The following AP3B2 variants were observed in gnomAD, a reference collection of about 807,000 sequenced individuals.
AP3B2 encodes AP-3 complex subunit beta-2.
A neutral mutation model predicts 126.9 loss-of-function variants in AP3B2; 50 were observed. The ratio of observed to expected loss-of-function variants is 0.39; its 90% CI spans 0.31 to 0.50. The LOEUF is 0.50. Ranked by LOEUF, AP3B2 falls within the 20% of genes least tolerant of loss-of-function variation. The pLI is 0.79. For missense variants in AP3B2, 1,177 were observed against 1,426.4 expected, an observed-to-expected ratio of 0.83 and a Z score of 2.82; for synonymous variants, 541 against 565.0, an observed-to-expected ratio of 0.96 and a Z score of 0.60.
chr15:82,690,779 G>A (rs555857825), intron 1 of AP3B2, among the ~76,000 whole-genome samples: 4 of 148,758 alleles, frequency 2.7e-5, no homozygotes, highest in South Asian at 2.2e-4. Flanking sequence ...TCAGCCTACC[G>A]AGTAGCTGGG....
rs763995086 is a variant in AP3B2, at chr15:82,662,689, C to A, written c.2833+5G>T. 2 of 1,609,456 alleles carry A rather than the reference C, an allele frequency of 1.2e-6. No individual in the cohort carries two copies. The highest frequency in any genetic ancestry group is 1.7e-6 in the Non-Finnish European group (2 of 1,177,692). On this transcript the variant is annotated splice_donor_5th_base_variant and intron_variant, in intron 23 of 26. Coordinates refer to ENST00000535359, the MANE Select transcript of AP3B2 (RefSeq NM_001278512.2). ...CTCCTCCACCCCATCCAAAGCCCTT[C>A]GCACCAATTTCGGGAAATTCTTGGA...
chr15:82,698,288 C>T (rs2048661568), intron 1 of AP3B2, among the ~76,000 whole-genome samples: 1 of 151,932 alleles, frequency 6.6e-6, no homozygotes, highest in South Asian at 2.1e-4. Flanking sequence ...AAAAACTCTA[C>T]ACACATAAAC....
intron 25 of AP3B2, among the ~76,000 whole-genome samples, chr15:82,660,900 A>G (rs1353450903): frequency 6.6e-6 from 1 of 152,048 alleles, no homozygotes; most frequent in Non-Finnish European, 1.5e-5. Flanking sequence ...GACTGCATGT[A>G]CTTGAGCCGT....
Position 82,664,075 on chromosome 15 carries a change from G to A in AP3B2, c.2262-100C>T, listed in dbSNP as rs2048007993. 6.8e-7 allele frequency: 1 copy of A among 1,474,826 alleles called. No individual in the cohort carries two copies. Among genetic ancestry groups the A allele is most frequent in the African/African-American group, 1.4e-5 (1 of 71,530 alleles). The allele number at this position is 1,474,826 out of a possible 1,614,324, so 91.4% of individuals were successfully genotyped here. ...CTGAAAAGCTGGAGTGGTGTGGGGA[G>A]CCTGAGCCAGGAGGGTTCACACCTG... On this transcript the variant is annotated intron_variant, in intron 19 of 26. Transcript: ENST00000535359. The surrounding 1 kb of genome is among the most constrained non-coding windows in gnomAD (Gnocchi z 4.5).
Position 82,666,771 on chromosome 15 carries a change from G to T in AP3B2, c.1828C>A (p.Pro610Thr). ...KKLFLAPKPA[P>T]VLESSFKDRD... ...CCTTTGAAGGATGACTCCAAGACTG[G>T]AGCTGGTTTGGGTGCCAGGAAGAGC... The change falls in exon 15 of 27, where the codon CCA becomes ACA. Residue 610 changes from proline to threonine, a missense_variant. By Grantham distance (38) the Pro-to-Thr change is conservative. Coordinates refer to ENST00000535359, the MANE Select transcript of AP3B2 (RefSeq NM_001278512.2). The T allele has an allele frequency of 1.9e-6, 3 of 1,613,962 alleles. No individual in the cohort carries two copies. Among genetic ancestry groups the T allele is most frequent in the Non-Finnish European group, 2.5e-6 (3 of 1,179,848 alleles).
chr15:82,680,473 T>G lies in AP3B2; in HGVS notation c.1054A>C (p.Ser352Arg), dbSNP rs1433929710. The G allele has an allele frequency of 2.7e-6, 4 of 1,497,872 alleles. No individual in the cohort carries two copies. The highest frequency in any genetic ancestry group is 3.6e-6 in the Non-Finnish European group (4 of 1,126,436). The allele number at this position is 1,497,872 out of a possible 1,614,324, so 92.8% of individuals were successfully genotyped here. ...KALVRLLRSH[S>R]EVQYVVLQNV... ...GGCGGGGCTGGGGGCGGAGCGCACC[T>G]GTGGCTGCGCAGCAGGCGCACCAGC... The change falls in exon 8 of 27, where the codon AGT (serine) becomes CGT (arginine). Residue 352 changes from serine (S) to arginine (R), a missense_variant and splice_region_variant. Ser to Arg is a moderately radical substitution (Grantham distance 110). Around this residue, in one of 5 missense-constraint regions of AP3B2, gnomAD observed 308 missense variants for 452.4 expected, o/e 0.68. Transcript: ENST00000535359. The surrounding 1 kb of genome is among the most constrained non-coding windows in gnomAD (Gnocchi z 6.1).
In AP3B2 at chr15:82,709,781, G is replaced by T; in HGVS notation, c.-75C>A. On this transcript the variant is annotated 5_prime_UTR_variant, in exon 1 of 27. Coordinates refer to ENST00000535359, the MANE Select transcript of AP3B2 (RefSeq NM_001278512.2). ...CGGCTGGAGCGGAGGAAGGGAAGGC[G>T]GGCCGGTCCGGTCCGGGCTGGCGAA... is the stretch of plus-strand genomic sequence containing the variant. 1 of 1,233,222 alleles carries T rather than the reference G, an allele frequency of 8.1e-7. No homozygotes were observed. Among genetic ancestry groups the T allele is most frequent in the East Asian group, 3.2e-5 (1 of 31,736 alleles). 76.4% of individuals were successfully genotyped at this position (1,233,222 alleles called of 1,614,324 possible).
chr15:82,705,809 C>T (rs181265551), intron 1 of AP3B2, among the ~76,000 whole-genome samples: 109 of 152,278 alleles, frequency 7.2e-4, no homozygotes, highest in African/African-American at 2.5e-3. Context: ...TAGGTACTTC[C>T]ACCTTTGGAT....
Position 82,676,534 on chromosome 15 carries a change from G to A in AP3B2, c.1592C>T (p.Thr531Ile), listed in dbSNP as rs779983418. The change falls in exon 14 of 27, where the codon ACA (threonine) becomes ATA (isoleucine). Residue 531 changes from threonine (T) to isoleucine (I), a missense_variant. Transcript: ENST00000535359. Reference protein sequence around the residue: ...DVLRKMAKSFTAEEDIVKLQV... With the variant: ...DVLRKMAKSFIAEEDIVKLQV... Reference sequence around the variant, plus strand: ...CAGCTTGACAATATCCTCCTCTGCTGTGAATGACTTGGCCATTTTTCTTAA... The same window carrying A: ...CAGCTTGACAATATCCTCCTCTGCTATGAATGACTTGGCCATTTTTCTTAA... The A allele has an allele frequency of 6.2e-7, 1 of 1,614,014 alleles. No individual in the cohort carries two copies. The highest frequency in any genetic ancestry group is 1.3e-5 in the African/African-American group (1 of 75,046).
chr15:82,680,559 G>T lies in AP3B2; in HGVS notation c.968C>A (p.Ala323Glu), dbSNP rs908604679. The stretch of plus-strand genomic sequence containing the variant: ...CAGGTGGAAGTAGAGCTGCGCCACC[G>T]CCATCACCACCGCGGCGCTGCGGCT... ...LQSRSAAVVMAVAQLYFHLAP... is the reference protein window; with the variant it reads ...LQSRSAAVVMEVAQLYFHLAP... The change falls in exon 8 of 27, where the codon GCG (alanine) becomes GAG (glutamate). Residue 323 changes from alanine (A) to glutamate (E), a missense_variant. Around this residue, in one of 5 missense-constraint regions of AP3B2, gnomAD observed 308 missense variants for 452.4 expected, o/e 0.68. Coordinates refer to ENST00000535359, the MANE Select transcript of AP3B2 (RefSeq NM_001278512.2). The surrounding 1 kb of genome is among the most constrained non-coding windows in gnomAD (Gnocchi z 6.1). 6 of 1,575,630 alleles carry T rather than the reference G, an allele frequency of 3.8e-6. No individual in the cohort carries two copies. The highest frequency in any genetic ancestry group is 5.1e-6 in the Non-Finnish European group (6 of 1,168,212).
At position 82,665,282 on chromosome 15, in the gene AP3B2, CAAT is replaced by C. The variant is rs2048031661; in HGVS notation, c.1990_1992del (p.Ile664del). On this transcript the variant is annotated inframe_deletion, in exon 17 of 27. Coordinates refer to ENST00000535359, the MANE Select transcript of AP3B2 (RefSeq NM_001278512.2). The surrounding 1 kb of genome is among the most constrained non-coding windows in gnomAD (Gnocchi z 4.4). ...TCGCCCAACAGGCCCACGTGAGTCT[CAAT>C]AAGGGAGAGATCTTCTTCCTGTGTG... The C allele has an allele frequency of 6.5e-7, 1 of 1,548,978 alleles. No homozygotes were observed. The highest frequency in any genetic ancestry group is 1.9e-5 in the Admixed American group (1 of 51,696).
chr15:82,670,091 A>AAT (rs1555465696), intron 14 of AP3B2, among the ~76,000 whole-genome samples: 8 of 128,512 alleles, frequency 6.2e-5, no homozygotes, highest in African/African-American at 1.5e-4. Flanking sequence ...AAAAAAAAAA[A>AAT]ATCAGTGGCT....
rs1282623916 is a variant in AP3B2, at chr15:82,689,469, A to G, written c.114-16T>C. 2 of 1,611,860 alleles carry G rather than the reference A, an allele frequency of 1.2e-6. No individual in the cohort carries two copies. Among genetic ancestry groups the G allele is most frequent in the Admixed American group, 1.7e-5 (1 of 59,654 alleles). On this transcript the variant is annotated splice_polypyrimidine_tract_variant and intron_variant, in intron 1 of 26. Transcript: ENST00000535359. ...GTCATCATGCCTGGTGGGAGGTACA[A>G]GAAGTCAGCTGAGGGCACAAGGGTG...
rs377099085 is a variant in AP3B2, at chr15:82,678,290, C to T, written c.1183-123G>A. ...TCATGACAGCCCTGCATCATCCTCA[C>T]ACTGATGAGGGAATTGACAGGTTAT... On this transcript the variant is annotated intron_variant, in intron 10 of 26. Coordinates refer to ENST00000535359, the MANE Select transcript of AP3B2 (RefSeq NM_001278512.2). 5.7e-5 allele frequency: 54 copies of T among 945,382 alleles called. 1 individual carries two copies. The highest frequency in any genetic ancestry group is 4.2e-4 in the Middle Eastern group (2 of 4,772). 58.6% of individuals were successfully genotyped at this position (945,382 alleles called of 1,614,324 possible).
Position 82,707,259 on chromosome 15 carries a change from A to C in AP3B2, c.113+2335T>G, listed in dbSNP as rs549340778. Among the ~76,000 whole-genome samples the C allele has an allele frequency of 5.9e-5, 9 of 152,224 alleles. 1 individual carries two copies. The East Asian group carries it at 1.7e-3, about 29-fold the overall frequency. ...TAATGGTCTTTTAAAAACACACCTC[A>C]CCAAGCTCAGCCACCAACTTAAAAA... On this transcript the variant is annotated intron_variant, in intron 1 of 26. Transcript: ENST00000535359.
intron 1 of AP3B2, 53 bp from the exon 2 acceptor site, chr15:82,689,506 T>C: frequency 6.4e-7 from 1 of 1,560,698 alleles, no homozygotes; most frequent in Non-Finnish European, 8.8e-7. Context: ...GGATGGGGTA[T>C]TAATCAGGAG....
chr15:82,662,735 T>C lies in AP3B2; in HGVS notation c.2792A>G (p.Lys931Arg), dbSNP rs140282177. 1.7e-3 allele frequency: 2,697 copies of C among 1,613,840 alleles called. 149 individuals carry two copies. In the East Asian group the frequency reaches 0.048, roughly 29 times the overall value. ...TTGGATGCTGATGCCAGCAGGCAGT[T>C]TGGGAGTGCCCACATGCAGGCCCTT... ...PIKGLHVGTPKLPAGISIQEF... is the reference protein window; with the variant it reads ...PIKGLHVGTPRLPAGISIQEF... Residue 931 changes from lysine (K) to arginine (R), a missense_variant, in exon 23 of 27, where the codon AAA (lysine) becomes AGA (arginine). Lys to Arg is a conservative substitution (Grantham distance 26, BLOSUM62 2). This residue lies in a region of AP3B2 where 587 missense variants were observed against 571.3 expected (regional missense o/e 1.03). Transcript: ENST00000535359.
In AP3B2 at chr15:82,664,890, T is replaced by G. The variant is rs533216955; in HGVS notation, c.2082A>C (p.Lys694Asn). 1 of 1,606,636 alleles carries G rather than the reference T, an allele frequency of 6.2e-7. No individual in the cohort carries two copies. The highest frequency in any genetic ancestry group is 1.3e-5 in the African/African-American group (1 of 74,818). Residue 694 changes from lysine (K) to asparagine (N), a missense_variant, in exon 18 of 27, where the codon AAA (lysine) becomes AAC (asparagine). Physicochemically the swap from Lys to Asn is moderately conservative, Grantham distance 94. Coordinates refer to ENST00000535359, the MANE Select transcript of AP3B2 (RefSeq NM_001278512.2). This position sits in a 1 kb window ranked among gnomAD's most constrained non-coding sequence, Gnocchi z 4.5. ...SNREKRKEKE[K>N]PFYSDSEGES... is the part of the protein sequence containing the mutation. Reference sequence around the variant, plus strand: ...CCCCCTCAGAGTCCGAGTAGAAGGGTTTTTCCTTCTCCTTTCTCTTCTCCC... The same window carrying G: ...CCCCCTCAGAGTCCGAGTAGAAGGGGTTTTCCTTCTCCTTTCTCTTCTCCC...
chr15:82,694,738 T>C (rs1477335355), intron 1 of AP3B2, among the ~76,000 whole-genome samples: 2 of 151,848 alleles, frequency 1.3e-5, no homozygotes, highest in Non-Finnish European at 2.9e-5. Flanking sequence ...ACAACATAAA[T>C]TTATTTGCTC....
Sources: allele counts gnomAD v4.1 joint callset (sites outside exome capture counted in the v4.1 genomes callset), GRCh38; gene constraint gnomAD v4.1.1; regional missense constraint gnomAD v4.1.1; non-coding constraint Gnocchi (gnomAD v3.1); transcripts MANE v1.5; gene names NCBI Gene and HGNC (gene_info 2026-07-23, HGNC 2026-07-21).